Variants in HS3ST4 observed in about 807,000 individuals in gnomAD.
The protein encoded by HS3ST4 is heparan sulfate glucosamine 3-O-sulfotransferase 4.
A neutral mutation model predicts 29.2 loss-of-function variants in HS3ST4; 17 were observed. That is an observed-to-expected ratio of 0.58 (90% CI 0.40 to 0.87). The LOEUF (loss-of-function observed/expected upper bound fraction) is 0.87. HS3ST4 is among the 40% of genes least tolerant of loss of function. The pLI, the probability that HS3ST4 is intolerant of heterozygous loss-of-function variation, is 0.00. For synonymous variants in HS3ST4, 314 were observed against 285.7 expected (o/e 1.10, Z -1.00); for missense variants, 627 against 634.5 (o/e 0.99, Z 0.13).
At chr16:26,080,124 T>C (rs554759721) in intron 1 of HS3ST4, among the ~76,000 whole-genome samples, 1 of 152,248 alleles carries the variant, frequency 6.6e-6, no homozygotes, top group East Asian at 1.9e-4. Flanking sequence ...TCTTCACCTC[T>C]GCTTGGAGAG....
chr16:26,029,067 CTTG>C (rs796639010), intron 1 of HS3ST4: 96 of 152,314 alleles, frequency 6.3e-4, no homozygotes, highest in African/African-American at 2.2e-3. Context: ...TCAACTATTA[CTTG>C]TTGTTTTATT....
chr16:25,838,716 G>A (rs568560870), intron 1 of HS3ST4, among the ~76,000 whole-genome samples: 6 of 152,266 alleles, frequency 3.9e-5, no homozygotes, highest in African/African-American at 9.6e-5. Flanking sequence ...CGTCCTTCCA[G>A]AGAAGCTAGA....
chr16:25,716,349 G>T (rs1440398255), intron 1 of HS3ST4, among the ~76,000 whole-genome samples: 1 of 152,206 alleles, frequency 6.6e-6, no homozygotes, highest in Non-Finnish European at 1.5e-5. Flanking sequence ...GGCTGATGTG[G>T]CTTCATGAGG....
intron 1 of HS3ST4, among the ~76,000 whole-genome samples, chr16:25,818,441 A>C (rs1245892509): frequency 6.6e-6 from 1 of 152,190 alleles, no homozygotes; most frequent in African/African-American, 2.4e-5. Context: ...GAACCATGAG[A>C]AATAAACTTC....
chr16:25,840,358 A>G (rs889952091), intron 1 of HS3ST4, among the ~76,000 whole-genome samples: 1 of 152,198 alleles, frequency 6.6e-6, no homozygotes, highest in Non-Finnish European at 1.5e-5. Flanking sequence ...AACTACTACA[A>G]TCCAGAAACC....
intron 1 of HS3ST4, among the ~76,000 whole-genome samples, chr16:25,744,866 C>T (rs1966676284): frequency 6.6e-6 from 1 of 152,220 alleles, no homozygotes; most frequent in Admixed American, 6.5e-5. Context: ...TCCTCCTTGC[C>T]TTCCACCATG....
chr16:25,728,023 A>T (rs1966548539), intron 1 of HS3ST4, among the ~76,000 whole-genome samples: 1 of 152,136 alleles, frequency 6.6e-6, no homozygotes, highest in Non-Finnish European at 1.5e-5. Flanking sequence ...ATTTTTTGAG[A>T]CAGAGTCACA....
intron 1 of HS3ST4, among the ~76,000 whole-genome samples, chr16:25,923,530 CT>C (rs1384300805): frequency 6.6e-6 from 1 of 152,152 alleles, no homozygotes; most frequent in East Asian, 1.9e-4. Flanking sequence ...ACTAAATTAG[CT>C]TTTTTTGTTT....
chr16:26,101,598 CTCT>C (rs1004888291), intron 1 of HS3ST4, among the ~76,000 whole-genome samples: 3 of 152,188 alleles, frequency 2.0e-5, no homozygotes, highest in African/African-American at 7.2e-5. Context: ...CAGAATTTCC[CTCT>C]TCTTCTTTTC....
rs534431921 is a variant in HS3ST4 at position 26,101,841 on chromosome 16, G to A, written c.735-33771G>A. On this transcript the variant is annotated intron_variant, in intron 1 of 1. Coordinates refer to ENST00000331351, the MANE Select transcript of HS3ST4 (RefSeq NM_006040.3). ...TTAATTTTTATAACCAAATAACCAAGTTTATATTCCTTTGTAATCTCCCTT... is the reference window on the plus strand; with the variant it reads ...TTAATTTTTATAACCAAATAACCAAATTTATATTCCTTTGTAATCTCCCTT... Among the ~76,000 whole-genome samples, 6 of 152,170 alleles carry A rather than the reference G, an allele frequency of 3.9e-5. No homozygotes were observed. In the East Asian group the frequency reaches 1.2e-3, roughly 29 times the overall value.
intron 1 of HS3ST4, among the ~76,000 whole-genome samples, chr16:25,878,624 T>G (rs9936447): frequency 6.6e-6 from 1 of 151,906 alleles, no homozygotes; most frequent in Non-Finnish European, 1.5e-5. Context: ...GCTTCCCCAT[T>G]AAGGACTTGT....
intron 1 of HS3ST4, among the ~76,000 whole-genome samples, chr16:25,749,368 A>G (rs1400862817): frequency 6.6e-6 from 1 of 151,968 alleles, no homozygotes; most frequent in Non-Finnish European, 1.5e-5. Flanking sequence ...GGTGACATGC[A>G]CCTGTAGTTC....
intron 1 of HS3ST4, among the ~76,000 whole-genome samples, chr16:25,836,703 G>A (rs1405394719): frequency 2.0e-5 from 3 of 152,158 alleles, no homozygotes; most frequent in African/African-American, 4.8e-5. Context: ...ACAATATCAT[G>A]CAGGGAGGTA....
chr16:25,865,225 A>C (rs936191184), intron 1 of HS3ST4, among the ~76,000 whole-genome samples: 5 of 152,174 alleles, frequency 3.3e-5, no homozygotes, highest in African/African-American at 1.2e-4. Flanking sequence ...ACTGTTTTCT[A>C]TACTTTTTTC....
chr16:26,031,337 G>C (rs1969529071), intron 1 of HS3ST4, among the ~76,000 whole-genome samples: 1 of 152,174 alleles, frequency 6.6e-6, no homozygotes, highest in African/African-American at 2.4e-5. Flanking sequence ...GTGGCACCAG[G>C]GATGGTCCCA....
At chr16:26,112,279 G>A (rs1175908073) in intron 1 of HS3ST4, among the ~76,000 whole-genome samples, 1 of 149,524 alleles carries the variant, frequency 6.7e-6, no homozygotes, top group Non-Finnish European at 1.5e-5. Flanking sequence ...TGTGTGTGGT[G>A]TCTTAAGACT....
chr16:25,903,320 T>C (rs955273277), intron 1 of HS3ST4, among the ~76,000 whole-genome samples: 23 of 105,456 alleles, frequency 2.2e-4, no homozygotes, highest in Non-Finnish European at 4.0e-4. Context: ...ATGTATATAT[T>C]ATATATATGT....
chr16:25,980,906 C>T (rs970742560), intron 1 of HS3ST4, among the ~76,000 whole-genome samples: 2 of 152,014 alleles, frequency 1.3e-5, no homozygotes, highest in Admixed American at 6.6e-5. Context: ...AAAGAATGGG[C>T]GAGGCAGTGC....
chr16:26,123,338 C>G (rs1248960240), intron 1 of HS3ST4, among the ~76,000 whole-genome samples: 1 of 152,154 alleles, frequency 6.6e-6, no homozygotes, highest in Non-Finnish European at 1.5e-5. Context: ...TCAACACTTC[C>G]TTAGCCACAC....
Sources: gnomAD v4.1 joint callset for allele counts (sites outside exome capture counted in the v4.1 genomes callset) on GRCh38, gnomAD v4.1.1 for gene constraint, MANE v1.5 for transcripts, NCBI Gene and HGNC (gene_info 2026-07-23, HGNC 2026-07-21) for gene names.